GALNT13: variants seen among roughly 807,000 people sequenced by gnomAD.
GALNT13 encodes UDP-GalNAc:polypeptide N-acetylgalactosaminyltransferase 13.
A neutral mutation model predicts 64.2 loss-of-function variants in GALNT13; 28 were observed. The ratio of observed to expected loss-of-function variants is 0.44; its 90% CI spans 0.32 to 0.60. The LOEUF is 0.60. Among genes scored for constraint, GALNT13 ranks in the 20% least tolerant of loss-of-function variants. GALNT13 has a pLI of 0.05. For synonymous variants in GALNT13, 214 were observed against 224.6 expected (o/e 0.95, Z 0.42); for missense variants, 577 against 669.8 (o/e 0.86, Z 1.53).
chr2:153,687,422 A>G, the GALNT13 span, among the ~76,000 whole-genome samples: 842 of 152,050 alleles, frequency 5.5e-3, 10 homozygotes, highest in African/African-American at 0.018. Context: ...TTTCTAGTTT[A>G]TATGCATAAA....
intron 3 of GALNT13, among the ~76,000 whole-genome samples, chr2:154,098,484 T>G (rs1462539696): frequency 1.3e-5 from 2 of 152,102 alleles, no homozygotes; most frequent in Non-Finnish European, 2.9e-5. Flanking sequence ...GGGGTACATG[T>G]GCATGTTTAT....
the GALNT13 span, among the ~76,000 whole-genome samples, chr2:153,078,916 T>A: frequency 1.2e-4 from 19 of 152,292 alleles, no homozygotes; most frequent in South Asian, 2.1e-3. Context: ...ATAAACTTAC[T>A]TAGTCATGAT....
the GALNT13 span, among the ~76,000 whole-genome samples, chr2:153,108,567 A>C: frequency 5.3e-4 from 81 of 152,282 alleles, no homozygotes; most frequent in African/African-American, 1.9e-3. Context: ...ATTACAATAT[A>C]TGTTTACACA....
At chr2:154,162,539 G>T (rs1311993471) in intron 4 of GALNT13, among the ~76,000 whole-genome samples, 2 of 152,162 alleles carry the variant, frequency 1.3e-5, no homozygotes, top group Non-Finnish European at 2.9e-5. Flanking sequence ...GGAGAACTTG[G>T]CTGGGAACAC....
At position 154,303,134 on chromosome 2, in the gene GALNT13, G is replaced by T. The variant is rs558550093; in HGVS notation, c.1156+1545G>T. On this transcript the variant is annotated intron_variant, in intron 9 of 12. Transcript: ENST00000392825. ...CTCATGCCAAGAAAATTTAGGACAG[G>T]GACACACACGAGGAGTTTAGGAGTG... Among the ~76,000 whole-genome samples the T allele has an allele frequency of 1.4e-4, 21 of 152,056 alleles. 1 individual carries two copies. The South Asian group carries it at 4.2e-3, about 30-fold the overall frequency.
chr2:153,980,826 G>T (rs1694412469), intron 3 of GALNT13, among the ~76,000 whole-genome samples: 1 of 152,090 alleles, frequency 6.6e-6, no homozygotes, highest in South Asian at 2.1e-4. Flanking sequence ...GTCATGCAGT[G>T]GTTTGCAAGC....
At chr2:154,085,556 C>A (rs1454894581) in intron 3 of GALNT13, among the ~76,000 whole-genome samples, 1 of 152,030 alleles carries the variant, frequency 6.6e-6, no homozygotes, top group Non-Finnish European at 1.5e-5. Flanking sequence ...AACTTTGGAA[C>A]TCCAGAGTCT....
intron 3 of GALNT13, among the ~76,000 whole-genome samples, chr2:153,954,481 A>T (rs927915438): frequency 6.6e-6 from 1 of 151,948 alleles, no homozygotes; most frequent in African/African-American, 2.4e-5. Context: ...TTGCTCTTTC[A>T]TACTCTTATC....
chr2:153,169,015 A>T, the GALNT13 span, among the ~76,000 whole-genome samples: 1 of 23,038 alleles, frequency 4.3e-5, no homozygotes, highest in African/African-American at 2.6e-4. Flanking sequence ...ACTATAGTTT[A>T]AAAAAAAAAA....
chr2:153,985,713 C>G (rs1426571260), intron 3 of GALNT13, among the ~76,000 whole-genome samples: 4 of 151,988 alleles, frequency 2.6e-5, no homozygotes, highest in East Asian at 1.9e-4. Context: ...AAATGAAGAG[C>G]TGACCCCAAC....
chr2:153,204,351 T>C, the GALNT13 span, among the ~76,000 whole-genome samples: 1 of 152,056 alleles, frequency 6.6e-6, no homozygotes, highest in East Asian at 1.9e-4. Context: ...GTCCTTTATT[T>C]GTTTCACAGA....
At chr2:153,727,897 C>T in the GALNT13 span, among the ~76,000 whole-genome samples, 1 of 152,116 alleles carries the variant, frequency 6.6e-6, no homozygotes, top group Non-Finnish European at 1.5e-5. Flanking sequence ...CCTCCACTTT[C>T]CCCTTACCCA....
chr2:153,253,105 T>C, the GALNT13 span, among the ~76,000 whole-genome samples: 1 of 151,934 alleles, frequency 6.6e-6, no homozygotes, highest in African/African-American at 2.4e-5. Flanking sequence ...CCCATGAGCA[T>C]GGGATATTCT....
At chr2:153,174,710 A>G in the GALNT13 span, among the ~76,000 whole-genome samples, 1 of 152,222 alleles carries the variant, frequency 6.6e-6, no homozygotes, top group Non-Finnish European at 1.5e-5. Flanking sequence ...TAATTCAGCC[A>G]GGTTCTCTGC....
chr2:154,449,491 GTATC>G (rs1194202799), intron 12 of GALNT13, among the ~76,000 whole-genome samples: 6 of 122,060 alleles, frequency 4.9e-5, no homozygotes, highest in Non-Finnish European at 1.1e-4. Context: ...AAAAAAAAAA[GTATC>G]TAGAGTGCTA....
the GALNT13 span, among the ~76,000 whole-genome samples, chr2:153,248,752 C>T: frequency 7.0e-6 from 1 of 142,168 alleles, no homozygotes; most frequent in Non-Finnish European, 1.5e-5. Flanking sequence ...GGAAGCGGAG[C>T]TTGCAGTGAG....
intron 7 of GALNT13, among the ~76,000 whole-genome samples, chr2:154,246,354 C>G (rs1689779981): frequency 6.6e-6 from 1 of 151,842 alleles, no homozygotes; most frequent in Admixed American, 6.6e-5. Flanking sequence ...CTGAAATAGC[C>G]AAAAATGTTT....
intron 9 of GALNT13, among the ~76,000 whole-genome samples, chr2:154,315,558 T>C (rs1694274839): frequency 6.6e-6 from 1 of 152,188 alleles, no homozygotes; most frequent in Non-Finnish European, 1.5e-5. Context: ...AAATATCTGG[T>C]GTGAAAGGTC....
chr2:153,902,450 A>G (rs1688301137), intron 2 of GALNT13, among the ~76,000 whole-genome samples: 1 of 152,122 alleles, frequency 6.6e-6, no homozygotes, highest in South Asian at 2.1e-4. Flanking sequence ...AGACAAAAAG[A>G]ACTCTCAAGG....
Sources: gnomAD v4.1 joint callset for allele counts (sites outside exome capture counted in the v4.1 genomes callset) on GRCh38, gnomAD v4.1.1 for gene constraint, MANE v1.5 for transcripts, NCBI Gene and HGNC (gene_info 2026-07-23, HGNC 2026-07-21) for gene names.